ANO6: variants seen among roughly 807,000 people sequenced by gnomAD.
ANO6 encodes anoctamin-6.
A neutral mutation model predicts 117.5 loss-of-function variants in ANO6; 106 were observed. That is an observed-to-expected ratio of 0.90 (90% confidence interval 0.77 to 1.06). ANO6 has a LOEUF of 1.06. Ranked by LOEUF, ANO6 falls within the 50% of genes least tolerant of loss-of-function variation. ANO6 has a pLI of 0.00. For missense variants in ANO6, 955 were observed against 1,121.1 expected, an observed-to-expected ratio of 0.85 and a Z score of 2.12; for synonymous variants, 367 against 385.1, an observed-to-expected ratio of 0.95 and a Z score of 0.55.
At chr12:45,242,207 G>A (rs1408905723) in intron 1 of ANO6, among the ~76,000 whole-genome samples, 7 of 152,358 alleles carry the variant, frequency 4.6e-5, no homozygotes, top group East Asian at 3.9e-4. Flanking sequence ...AGGCTTTGTT[G>A]TGCTGTGCTG....
At chr12:45,260,226 G>A (rs1284934398) in intron 1 of ANO6, among the ~76,000 whole-genome samples, 1 of 152,222 alleles carries the variant, frequency 6.6e-6, no homozygotes, top group African/African-American at 2.4e-5. Context: ...AGTTCAGCCT[G>A]TACAAAGGTA....
intron 1 of ANO6, among the ~76,000 whole-genome samples, chr12:45,219,668 C>A (rs1172859479): frequency 6.6e-6 from 1 of 152,062 alleles, no homozygotes; most frequent in Non-Finnish European, 1.5e-5. Flanking sequence ...GTCAGTGTTG[C>A]CTCCTAGTTT....
At chr12:45,347,693 A>AC (rs532103292) in intron 4 of ANO6, among the ~76,000 whole-genome samples, 55 of 152,326 alleles carry the variant, frequency 3.6e-4, no homozygotes, top group African/African-American at 1.2e-3. Flanking sequence ...TTATGCTAGC[A>AC]CTACAATGAA....
intron 1 of ANO6, among the ~76,000 whole-genome samples, chr12:45,255,050 A>G (rs1219912317): frequency 1.3e-5 from 2 of 152,252 alleles, no homozygotes; most frequent in Admixed American, 6.5e-5. Context: ...TTAAGTTACC[A>G]TAATTTTTGC....
intron 3 of ANO6, among the ~76,000 whole-genome samples, chr12:45,340,568 T>C (rs1312641155): frequency 6.6e-6 from 1 of 152,172 alleles, no homozygotes; most frequent in Non-Finnish European, 1.5e-5. Context: ...ATAAAGATCA[T>C]AGACTATCAG....
At chr12:45,434,176 A>C (rs958412850), downstream of ANO6, among the ~76,000 whole-genome samples, 81 of 152,186 alleles carry the variant, frequency 5.3e-4, no homozygotes, top group Non-Finnish European at 1.0e-4. Context: ...TCGCACAGGA[A>C]CTCAAGCAAG....
chr12:45,233,591 T>C (rs1947605567), intron 1 of ANO6, among the ~76,000 whole-genome samples: 1 of 152,234 alleles, frequency 6.6e-6, no homozygotes, highest in Non-Finnish European at 1.5e-5. Context: ...TGTGCTCTTG[T>C]CTGAACCCTC....
At chr12:45,284,620 C>G (rs1938847836) in intron 1 of ANO6, among the ~76,000 whole-genome samples, 1 of 152,200 alleles carries the variant, frequency 6.6e-6, no homozygotes, top group Non-Finnish European at 1.5e-5. Flanking sequence ...GCTCCCCCAG[C>G]CATTTGCAGG....
intron 9 of ANO6, 136 bp from the exon 10 acceptor site, chr12:45,377,917 A>ATCAT (rs1942071630): frequency 6.2e-6 from 5 of 812,598 alleles, no homozygotes; most frequent in East Asian, 5.0e-5. Context: ...ATGATGTATG[A>ATCAT]TCATAGATGA....
chr12:45,407,153 CAAACA>C (rs1322657871), intron 15 of ANO6, among the ~76,000 whole-genome samples: 1 of 152,088 alleles, frequency 6.6e-6, no homozygotes, highest in African/African-American at 2.4e-5. Context: ...TCAGGAAAAC[CAAACA>C]AGAGGCTCAG....
intron 2 of ANO6, among the ~76,000 whole-genome samples, chr12:45,317,107 T>TTATGTGTGTGTGTGTATATATA (rs1185224135): frequency 2.4e-4 from 3 of 12,492 alleles, no homozygotes; most frequent in African/African-American, 2.7e-4. Context: ...TGGATTCTTT[T>TTATGTGTGTGTGTGTATATATA]TATATGTATA....
At position 45,230,730 on chromosome 12, in the gene ANO6, A is replaced by G. The variant is rs76297055; in HGVS notation, c.70+14339A>G. Among the ~76,000 whole-genome samples, 614 of 152,288 alleles carry G rather than the reference A, an allele frequency of 4.0e-3. 2 individuals are homozygous for G. Among genetic ancestry groups the G allele is most frequent in the Non-Finnish European group, 6.9e-3 (471 of 68,022 alleles). ...AATAAGAGCATTTCTTAATTTAGCAAATTTAAGATTTTAAAGTGTCTTGTA... is the reference window on the plus strand; with the variant it reads ...AATAAGAGCATTTCTTAATTTAGCAGATTTAAGATTTTAAAGTGTCTTGTA... On this transcript the variant is annotated intron_variant, in intron 1 of 19. Transcript: ENST00000320560.
chr12:45,424,965 A>C (rs925826518), intron 19 of ANO6, among the ~76,000 whole-genome samples: 2 of 152,136 alleles, frequency 1.3e-5, no homozygotes, highest in African/African-American at 4.8e-5. Context: ...AAACAAAAAA[A>C]CGTGTGAGGT....
In ANO6 at chr12:45,348,030, A is replaced by G. The variant is rs771102041; in HGVS notation, c.348A>G (p.Val116=). Residue 116 remains valine (V), a splice_region_variant and synonymous_variant, in exon 5 of 20, where the codon GTA becomes GTG. Transcript: ENST00000320560. ...HGLQLEATRS[V]LDDKLVFVKV... is the part of the protein sequence containing the mutation. The stretch of plus-strand genomic sequence containing the variant: ...GCGTTTTTATTTTTCCAATATAGGT[A>G]TTGGATGACAAGCTTGTATTTGTAA... 1.2e-6 allele frequency: 2 copies of G among 1,613,498 alleles called. No individual in the cohort carries two copies. Among genetic ancestry groups the G allele is most frequent in the South Asian group, 1.1e-5 (1 of 91,070 alleles).
downstream of ANO6, among the ~76,000 whole-genome samples, chr12:45,435,229 T>C (rs1486155703): frequency 1.3e-5 from 2 of 152,206 alleles, no homozygotes; most frequent in African/African-American, 2.4e-5. Context: ...AATTCCACAA[T>C]ATTATTGTCT....
intron 1 of ANO6, among the ~76,000 whole-genome samples, chr12:45,274,474 AC>A (rs1487294765): frequency 6.6e-6 from 1 of 151,946 alleles, no homozygotes; most frequent in African/African-American, 2.4e-5. Flanking sequence ...AAATTCAAGC[AC>A]CCAACATCCC....
At chr12:45,237,748 C>T (rs1382009775) in intron 1 of ANO6, among the ~76,000 whole-genome samples, 1 of 152,052 alleles carries the variant, frequency 6.6e-6, no homozygotes, top group African/African-American at 2.4e-5. Flanking sequence ...TAGTTTTTTC[C>T]AATTCTGTGA....
Position 45,331,202 on chromosome 12 carries a change from C to A in ANO6, c.151-93C>A, listed in dbSNP as rs373816443. 1.4e-3 allele frequency: 1,631 copies of A among 1,174,180 alleles called. 14 individuals carry two copies. Among genetic ancestry groups the A allele is most frequent in the South Asian group, 0.011 (749 of 69,764 alleles). The allele number at this position is 1,174,180 out of a possible 1,614,324, so 72.7% of individuals were successfully genotyped here. A position where few individuals can be genotyped will look rare whatever the true frequency, so the allele number is the denominator to read the frequency against. On this transcript the variant is annotated intron_variant, in intron 2 of 19. Coordinates refer to ENST00000320560, the MANE Select transcript of ANO6 (RefSeq NM_001025356.3). ...TAGTAGTGGATGTATTTCTCTTTCA[C>A]AATAAACCTATTAAAGCTTGAAAAT...
chr12:45,354,352 A>G (rs1307013477), intron 7 of ANO6, among the ~76,000 whole-genome samples: 1 of 152,232 alleles, frequency 6.6e-6, no homozygotes, highest in African/African-American at 2.4e-5. Flanking sequence ...AAGTTTGACC[A>G]TATATATGTA....
Sources: gnomAD v4.1 joint callset for allele counts (sites outside exome capture counted in the v4.1 genomes callset) on GRCh38, gnomAD v4.1.1 for gene constraint, MANE v1.5 for transcripts, NCBI Gene and HGNC (gene_info 2026-07-23, HGNC 2026-07-21) for gene names.